BPIFB4: variants seen among roughly 807,000 people sequenced by gnomAD.
The protein encoded by BPIFB4 is BPI fold-containing family B member 4.
BPIFB4 carries 62 observed loss-of-function variants against 69.2 expected under a neutral mutation model. The ratio of observed to expected loss-of-function variants is 0.90; its 90% CI spans 0.73 to 1.11. The LOEUF (loss-of-function observed/expected upper bound fraction) is 1.11, where lower values mean the gene tolerates loss of function less well. Among genes scored for constraint, BPIFB4 ranks in the 50% least tolerant of loss-of-function variants. The pLI is 0.00. For missense variants in BPIFB4, 789 were observed against 792.0 expected (o/e 1.00, Z 0.04); for synonymous variants, 330 against 332.7 (o/e 0.99, Z 0.09).
rs749730080 is a variant in BPIFB4 at position 33,107,801 on chromosome 20, C to A, written c.1802C>A (p.Ala601Glu). Reference protein sequence around the residue: ...PKILNIDFSNADIDVLEDLLV... With the variant: ...PKILNIDFSNEDIDVLEDLLV... Reference sequence around the variant, plus strand: ...ATCCTCAACATCGACTTTAGCAATGCAGACATTGACGTGTTGGAGGTAAGA... The same window carrying A: ...ATCCTCAACATCGACTTTAGCAATGAAGACATTGACGTGTTGGAGGTAAGA... Residue 601 changes from alanine to glutamate, a missense_variant, in exon 17 of 18, where the codon GCA becomes GAA. Physicochemically the swap from Ala to Glu is moderately radical, Grantham distance 107. Transcript: ENST00000375483. 1 of 1,614,012 alleles carries A rather than the reference C, an allele frequency of 6.2e-7. No individual in the cohort carries two copies. Among genetic ancestry groups the A allele is most frequent in the South Asian group, 1.1e-5 (1 of 91,084 alleles).
rs1202526634 is a variant in BPIFB4 at position 33,081,640 on chromosome 20, C to A, written c.106+8C>A. The stretch of plus-strand genomic sequence containing the variant: ...AAGATGTGTTGAGCAATGGTGAGTC[C>A]AGCCCCAAAGGGGTGAGGGTTGGCA... On this transcript the variant is annotated splice_region_variant and intron_variant, in intron 3 of 17. Transcript: ENST00000375483. The A allele has an allele frequency of 6.4e-6, 10 of 1,551,578 alleles. No homozygotes were observed. Among genetic ancestry groups the A allele is most frequent in the Middle Eastern group, 1.7e-4 (1 of 5,990 alleles).
Position 33,081,509 on chromosome 20 carries a change from CA to C in BPIFB4, c.-15-2del, listed in dbSNP as rs1208173855. ...ATCTGCATCTGCACTTTCTCCTCCA[CA>C]GGGAAGCAGTGCCAGCATGTGGATG... On this transcript the variant is annotated splice_acceptor_variant, in intron 2 of 17. Transcript: ENST00000375483. LOFTEE classifies it low-confidence loss of function (5UTR_SPLICE). 6.4e-7 allele frequency: 1 copy of C among 1,551,362 alleles called. No homozygotes were observed. Among genetic ancestry groups the C allele is most frequent in the Non-Finnish European group, 8.7e-7 (1 of 1,146,972 alleles).
Position 33,103,022 on chromosome 20 carries a change from C to T in BPIFB4, c.1680+8C>T, listed in dbSNP as rs41290856. 3,558 of 1,613,402 alleles carry T rather than the reference C, an allele frequency of 2.2e-3. 55 individuals are homozygous for T. The African/African-American group carries it at 0.038, about 17-fold the overall frequency. The stretch of plus-strand genomic sequence containing the variant: ...AACGTGGGCAACTTTGATGTAAGTA[C>T]CATGTTTAGTTCCCAGGGCAAGATC... On this transcript the variant is annotated splice_region_variant and intron_variant, in intron 15 of 17. Coordinates refer to ENST00000375483, the MANE Select transcript of BPIFB4 (RefSeq NM_182519.3).
At chr20:33,095,061 G>C in intron 11 of BPIFB4, 39 bp from the exon 12 acceptor site, 1 of 1,557,368 alleles carries the variant, frequency 6.4e-7, no homozygotes, top group Non-Finnish European at 8.9e-7. Context: ...TGTACCGATA[G>C]CCTCCAGGAT....
At chr20:33,109,663 T>C (rs977735439) in intron 17 of BPIFB4, among the ~76,000 whole-genome samples, 1 of 152,216 alleles carries the variant, frequency 6.6e-6, no homozygotes, top group Non-Finnish European at 1.5e-5. Context: ...TATTATTTTA[T>C]TATAAATGAC....
At chr20:33,086,283 T>C in intron 7 of BPIFB4, 119 bp downstream of exon 7, 1 of 1,331,498 alleles carries the variant, frequency 7.5e-7, no homozygotes, top group South Asian at 1.4e-5. Flanking sequence ...GATGATGCTG[T>C]GGGGTGGTGA....
At chr20:33,094,773 G>A (rs140928503) in intron 11 of BPIFB4, among the ~76,000 whole-genome samples, 2,390 of 152,316 alleles carry the variant, frequency 0.016, 56 homozygotes, top group African/African-American at 0.054. Context: ...CTCCCAAAGT[G>A]CTGGGATTAC....
At chr20:33,099,835 T>C (rs1476453547) in intron 13 of BPIFB4, among the ~76,000 whole-genome samples, 2 of 152,122 alleles carry the variant, frequency 1.3e-5, no homozygotes, top group African/African-American at 4.8e-5. Context: ...GAGCTTACTG[T>C]TTTTTCATAA....
rs182146319 is a variant in BPIFB4, at chr20:33,104,848, C to A, written c.1719C>A (p.Asp573Glu). ...AGGTGCTGGTGGAGAAGATTTTTGA[C>A]CTGGCATTCATGCCCGCAATGAACG... ...LMEVLVEKIF[D>E]LAFMPAMNAV... Residue 573 changes from aspartate (D) to glutamate (E), a missense_variant, in exon 16 of 18, where the codon GAC becomes GAA. Transcript: ENST00000375483. 1 of 1,614,174 alleles carries A rather than the reference C, an allele frequency of 6.2e-7. No homozygotes were observed. The highest frequency in any genetic ancestry group is 1.1e-5 in the South Asian group (1 of 91,086).
intron 14 of BPIFB4, 39 bp downstream of exon 14, chr20:33,100,532 G>A (rs1676041804): frequency 6.4e-6 from 10 of 1,568,074 alleles, no homozygotes; most frequent in African/African-American, 1.4e-5. Flanking sequence ...GACGGTGCTG[G>A]TGCTGCTCAT....
At chr20:33,083,947 G>A (rs1055684155) in intron 5 of BPIFB4, 73 bp downstream of exon 5, 53 of 1,496,520 alleles carry the variant, frequency 3.5e-5, no homozygotes, top group Non-Finnish European at 4.5e-5. Flanking sequence ...CCCTGAAGCT[G>A]GGGTTGCCGG....
intron 4 of BPIFB4, 40 bp downstream of exon 4, chr20:33,083,040 G>A: frequency 1.3e-6 from 2 of 1,553,696 alleles, no homozygotes; most frequent in Non-Finnish European, 1.8e-6. Flanking sequence ...CTCCTGGGCG[G>A]TCTGCTTGGT....
chr20:33,086,230 A>G (rs1981425736), intron 7 of BPIFB4, 66 bp downstream of exon 7: 4 of 1,556,996 alleles, frequency 2.6e-6, no homozygotes, highest in Non-Finnish European at 3.5e-6. Context: ...GGCAAACAAC[A>G]TGACGTCACC....
chr20:33,082,011 A>T (rs1026540140), intron 3 of BPIFB4, among the ~76,000 whole-genome samples: 31 of 152,224 alleles, frequency 2.0e-4, no homozygotes, highest in Non-Finnish European at 3.7e-4. Flanking sequence ...CAGAGAACTG[A>T]TATGAGAATG....
chr20:33,089,670 T>C (rs6057722), intron 9 of BPIFB4, 112 bp downstream of exon 9: 1,078,321 of 1,540,996 alleles, frequency 0.7, 380,601 homozygotes, highest in East Asian at 0.96. Flanking sequence ...GCCCTTGAAG[T>C]GAGGAGTGGC....
chr20:33,098,543 G>A (rs1981821039), intron 13 of BPIFB4, among the ~76,000 whole-genome samples: 1 of 151,978 alleles, frequency 6.6e-6, no homozygotes, highest in Non-Finnish European at 1.5e-5. Flanking sequence ...CCAGGATTTC[G>A]AGACCAGCCT....
intron 14 of BPIFB4, 147 bp from the exon 15 acceptor site, chr20:33,102,825 A>C: frequency 1.2e-6 from 1 of 820,444 alleles, no homozygotes; most frequent in Non-Finnish European, 2.1e-6. Context: ...TCAGCATGTG[A>C]GAGCCAGCAT....
chr20:33,081,363 C>T, intron 2 of BPIFB4, 149 bp from the exon 3 acceptor site: 1 of 1,374,628 alleles, frequency 7.3e-7, no homozygotes, highest in East Asian at 2.6e-5. Context: ...GAATTCTGGA[C>T]CCTGCCTTAG....
At chr20:33,107,238 G>GAAGGAAGGAAAGA (rs1982088204) in intron 16 of BPIFB4, among the ~76,000 whole-genome samples, 2 of 132,430 alleles carry the variant, frequency 1.5e-5, no homozygotes, top group Admixed American at 7.7e-5. Flanking sequence ...AGGAAGGAAG[G>GAAGGAAGGAAAGA]AAAGAAAAGA....
Sources: gnomAD v4.1 joint callset for allele counts (sites outside exome capture counted in the v4.1 genomes callset) on GRCh38, gnomAD v4.1.1 for gene constraint, MANE v1.5 for transcripts, NCBI Gene and HGNC (gene_info 2026-07-23, HGNC 2026-07-21) for gene names.